DYM: variants seen among roughly 807,000 people sequenced by gnomAD.
The protein encoded by DYM is dymeclin.
A neutral mutation model predicts 93.1 loss-of-function variants in DYM; 78 were observed. The observed-to-expected ratio is 0.84, with a 90% CI of 0.70 to 1.01. The LOEUF is 1.01. Among genes scored for constraint, DYM ranks in the 50% least tolerant of loss-of-function variants. The probability of loss-of-function intolerance (pLI) is 0.00; values close to 1 mark genes in which losing one functional copy is unlikely to be tolerated. For missense variants in DYM, 789 were observed against 845.0 expected, an observed-to-expected ratio of 0.93 and a Z score of 0.82; for synonymous variants, 321 against 319.7, an observed-to-expected ratio of 1.00 and a Z score of -0.04.
At chr18:49,088,619 C>T (rs2078773801) in intron 17 of DYM, among the ~76,000 whole-genome samples, 1 of 150,916 alleles carries the variant, frequency 6.6e-6, no homozygotes, top group Admixed American at 6.6e-5. Flanking sequence ...ATGGACATAA[C>T]TTTCAAACAT....
At chr18:49,183,937 C>A (rs565221977) in intron 14 of DYM, among the ~76,000 whole-genome samples, 2 of 152,172 alleles carry the variant, frequency 1.3e-5, no homozygotes, top group Non-Finnish European at 2.9e-5. Context: ...CTTGTGAACA[C>A]GCAGTGAGAA....
At chr18:49,109,455 C>A (rs958132562) in intron 16 of DYM, among the ~76,000 whole-genome samples, 15 of 152,130 alleles carry the variant, frequency 9.9e-5, no homozygotes, top group African/African-American at 3.6e-4. Flanking sequence ...AGTCTATCTT[C>A]AAATAATATT....
At chr18:49,350,563 G>A (rs1658328006) in intron 6 of DYM, among the ~76,000 whole-genome samples, 2 of 151,900 alleles carry the variant, frequency 1.3e-5, no homozygotes, top group Admixed American at 1.3e-4. Flanking sequence ...AAACTAAACT[G>A]AGCATGGTGG....
intron 11 of DYM, among the ~76,000 whole-genome samples, chr18:49,271,560 G>C (rs904741787): frequency 2.0e-5 from 3 of 152,054 alleles, no homozygotes; most frequent in African/African-American, 7.2e-5. Flanking sequence ...GAAAGCATTT[G>C]CCTTACAGGA....
At chr18:49,384,311 G>A (rs1345226576) in intron 3 of DYM, among the ~76,000 whole-genome samples, 2 of 108,554 alleles carry the variant, frequency 1.8e-5, no homozygotes, top group Admixed American at 2.7e-4. Context: ...GACAGAGTGA[G>A]ACCATGTCTC....
intron 3 of DYM, among the ~76,000 whole-genome samples, chr18:49,380,997 T>TG (rs2067994913): frequency 6.7e-6 from 1 of 148,374 alleles, no homozygotes; most frequent in Admixed American, 6.9e-5. Flanking sequence ...TATTTGAACT[T>TG]CTTTTTTTTT....
intron 6 of DYM, among the ~76,000 whole-genome samples, chr18:49,349,698 G>C (rs2064943656): frequency 6.6e-6 from 1 of 152,220 alleles, no homozygotes; most frequent in African/African-American, 2.4e-5. Context: ...GACTCAATCT[G>C]TCATCCCAAA....
intron 1 of DYM, among the ~76,000 whole-genome samples, chr18:49,442,314 A>G (rs76364957): frequency 0.091 from 13,915 of 152,136 alleles, 850 homozygotes; most frequent in East Asian, 0.31. Flanking sequence ...GGAAGCCAAG[A>G]CAAAAGAATC....
At chr18:49,207,860 G>C (rs2092595318) in intron 14 of DYM, among the ~76,000 whole-genome samples, 1 of 152,076 alleles carries the variant, frequency 6.6e-6, no homozygotes, top group South Asian at 2.1e-4. Flanking sequence ...TATTGGTTTT[G>C]TGGAGAGTCC....
At chr18:49,375,654 T>C (rs2067439691) in intron 5 of DYM, 1 of 152,202 alleles carries the variant, frequency 6.6e-6, no homozygotes, top group Non-Finnish European at 1.5e-5. Flanking sequence ...ATACCTGAGA[T>C]ACTGTGATGG....
intron 1 of DYM, among the ~76,000 whole-genome samples, chr18:49,441,584 C>T (rs1225114456): frequency 2.7e-5 from 4 of 150,748 alleles, no homozygotes; most frequent in Admixed American, 6.7e-5. Context: ...GGGTATTCCC[C>T]GCCCAATGAA....
chr18:49,320,294 C>CA (rs2062365919), intron 8 of DYM, among the ~76,000 whole-genome samples: 1 of 152,018 alleles, frequency 6.6e-6, no homozygotes, highest in Admixed American at 6.5e-5. Context: ...ATAGAAAAGT[C>CA]AAAAAACTCT....
chr18:49,065,194 C>A (rs537609113), intron 17 of DYM, among the ~76,000 whole-genome samples: 2 of 152,268 alleles, frequency 1.3e-5, no homozygotes, highest in South Asian at 2.1e-4. Context: ...AAAATACCCA[C>A]AGAAGGCTTG....
chr18:49,430,244 C>G lies in DYM; in HGVS notation c.140+11G>C, dbSNP rs376840211. The G allele has an allele frequency of 6.2e-7, 1 of 1,613,490 alleles. No individual in the cohort carries two copies. Among genetic ancestry groups the G allele is most frequent in the Admixed American group, 1.7e-5 (1 of 60,020 alleles). ...TCTATTCAAATTTTCAATCTCCAGG[C>G]AATCTCTTACCTGCTAGTTGGTGCA... On this transcript the variant is annotated intron_variant, in intron 2 of 17. Transcript: ENST00000675505.
intron 17 of DYM, among the ~76,000 whole-genome samples, chr18:49,072,519 C>A (rs535573228): frequency 1.3e-5 from 2 of 152,340 alleles, no homozygotes; most frequent in Non-Finnish European, 2.9e-5. Flanking sequence ...GTGGTTCCCA[C>A]AAAGACAAGA....
At chr18:49,257,160 C>G in intron 12 of DYM, 56 bp from the exon 13 acceptor site, 1 of 1,358,146 alleles carries the variant, frequency 7.4e-7, no homozygotes, top group Non-Finnish European at 1.1e-6. Flanking sequence ...ATATTTTAAC[C>G]AAGGTTAACT....
At chr18:49,083,320 G>A (rs949440183) in intron 17 of DYM, among the ~76,000 whole-genome samples, 1 of 152,106 alleles carries the variant, frequency 6.6e-6, no homozygotes, top group Non-Finnish European at 1.5e-5. Flanking sequence ...TTTCAGTTTT[G>A]GATATTAAAC....
intron 13 of DYM, among the ~76,000 whole-genome samples, chr18:49,215,791 C>G (rs2093005165): frequency 6.6e-6 from 1 of 152,204 alleles, no homozygotes; most frequent in African/African-American, 2.4e-5. Context: ...CGAATAGGAA[C>G]AGCTCCGGTC....
chr18:49,384,792 G>A (rs551679044), intron 3 of DYM, among the ~76,000 whole-genome samples: 1 of 151,388 alleles, frequency 6.6e-6, no homozygotes, highest in South Asian at 2.1e-4. Context: ...TACAAAGGAA[G>A]AAATATGAGA....
Sources: gnomAD v4.1 joint callset for allele counts (sites outside exome capture counted in the v4.1 genomes callset) on GRCh38, gnomAD v4.1.1 for gene constraint, MANE v1.5 for transcripts, NCBI Gene and HGNC (gene_info 2026-07-23, HGNC 2026-07-21) for gene names.